Variants in B3GALNT2 observed in about 807,000 individuals in gnomAD.
B3GALNT2 encodes the protein beta-1,3-N-acetylgalactosaminyltransferase 2.
B3GALNT2 carries 53 observed loss-of-function variants against 61.1 expected under a neutral mutation model. The ratio of observed to expected loss-of-function variants is 0.87; its 90% CI spans 0.70 to 1.09. B3GALNT2 has a LOEUF of 1.09. B3GALNT2 is among the 50% of genes least tolerant of loss of function. The pLI is 0.00. For missense variants in B3GALNT2, 544 were observed against 623.0 expected, an observed-to-expected ratio of 0.87 and a Z score of 1.35; for synonymous variants, 223 against 237.4, an observed-to-expected ratio of 0.94 and a Z score of 0.56.
chr1:235,496,349 G>C, intron 1 of B3GALNT2: 1 of 984,596 alleles, frequency 1.0e-6, no homozygotes, highest in Non-Finnish European at 1.3e-6. Context: ...TGGAATAGAG[G>C]TATTTATTAT....
rs1055734186 is a variant in B3GALNT2, at chr1:235,450,244, C to T, written c.1465G>A (p.Glu489Lys). ...WELTELWKLK[E>K]RCGDPCRCQA... is the part of the protein sequence containing the mutation. ...CATCGACAAGGATCACCGCACCGTT[C>T]CTTCAGTTTCCACAGTTCCGTCAGT... The change falls in exon 12 of 12, where the codon GAA becomes AAA. Residue 489 changes from glutamate (E) to lysine (K), a missense_variant. Transcript: ENST00000366600. 1.4e-5 allele frequency: 23 copies of T among 1,614,020 alleles called. No homozygotes were observed. Among genetic ancestry groups the T allele is most frequent in the East Asian group, 2.2e-5 (1 of 44,888 alleles).
At chr1:235,463,793 T>A (rs1262824893) in intron 7 of B3GALNT2, 1 of 152,046 alleles carries the variant, frequency 6.6e-6, no homozygotes, top group African/African-American at 2.4e-5. Context: ...GGTCTCGAAC[T>A]CCTGACCTCG....
At chr1:235,488,343 C>T (rs1234532376) in intron 3 of B3GALNT2, among the ~76,000 whole-genome samples, 1 of 152,026 alleles carries the variant, frequency 6.6e-6, no homozygotes, top group East Asian at 1.9e-4. Context: ...CCTAAAGTTC[C>T]AATTCTGTAA....
intron 2 of B3GALNT2, among the ~76,000 whole-genome samples, chr1:235,491,206 G>A (rs1685052108): frequency 6.6e-6 from 1 of 151,854 alleles, no homozygotes; most frequent in African/African-American, 2.4e-5. Flanking sequence ...TGTCACTTTA[G>A]TCCTCACCTC....
intron 5 of B3GALNT2, among the ~76,000 whole-genome samples, chr1:235,478,520 G>GA (rs1430907767): frequency 6.6e-6 from 1 of 152,184 alleles, no homozygotes; most frequent in Non-Finnish European, 1.5e-5. Flanking sequence ...CTCCAGGAAG[G>GA]AATCATCTGA....
At chr1:235,470,434 C>A (rs906311391) in intron 6 of B3GALNT2, among the ~76,000 whole-genome samples, 1 of 151,674 alleles carries the variant, frequency 6.6e-6, no homozygotes, top group African/African-American at 2.4e-5. Context: ...CTACAAAAAA[C>A]ACAAAAAGTT....
intron 3 of B3GALNT2, among the ~76,000 whole-genome samples, chr1:235,484,886 T>C (rs1328794367): frequency 6.6e-6 from 1 of 152,234 alleles, no homozygotes; most frequent in East Asian, 1.9e-4. Context: ...CTGACTGTAG[T>C]CATAAATAAT....
At chr1:235,499,843 G>T (rs1235960341) in intron 1 of B3GALNT2, among the ~76,000 whole-genome samples, 3 of 152,210 alleles carry the variant, frequency 2.0e-5, no homozygotes, top group Non-Finnish European at 2.9e-5. Flanking sequence ...TATGGGATAG[G>T]ACCCTCTCTG....
At chr1:235,502,882 C>T (rs965861407) in intron 1 of B3GALNT2, among the ~76,000 whole-genome samples, 9 of 152,238 alleles carry the variant, frequency 5.9e-5, no homozygotes, top group African/African-American at 2.2e-4. Context: ...TCTTAGTTCA[C>T]TTCACAAAAA....
chr1:235,461,874 G>A (rs536929675), intron 7 of B3GALNT2, among the ~76,000 whole-genome samples: 1 of 152,272 alleles, frequency 6.6e-6, no homozygotes, highest in African/African-American at 2.4e-5. Context: ...AACAATATGT[G>A]TTCACCAGAA....
chr1:235,494,185 G>A (rs1398227609), intron 2 of B3GALNT2, among the ~76,000 whole-genome samples: 1 of 152,180 alleles, frequency 6.6e-6, no homozygotes, highest in Non-Finnish European at 1.5e-5. Context: ...ATGCACATGT[G>A]TCTAAGGAGA....
downstream of B3GALNT2, chr1:235,442,732 T>C: frequency 1.1e-6 from 1 of 901,002 alleles, no homozygotes; most frequent in African/African-American, 1.7e-5. Flanking sequence ...TAAACATTGA[T>C]TAGACCTGCC....
At chr1:235,494,907 C>A in intron 1 of B3GALNT2, 79 bp from the exon 2 acceptor site, 1 of 1,279,290 alleles carries the variant, frequency 7.8e-7, no homozygotes, top group East Asian at 2.7e-5. Context: ...AAGTTTATTA[C>A]AAAATAAGCT....
intron 5 of B3GALNT2, among the ~76,000 whole-genome samples, chr1:235,473,601 T>C (rs1684106751): frequency 6.6e-6 from 1 of 152,236 alleles, no homozygotes; most frequent in African/African-American, 2.4e-5. Flanking sequence ...ACTCAAAGCA[T>C]GTCTGGAGTT....
At position 235,468,625 on chromosome 1, in the gene B3GALNT2, G is replaced by A. The variant is rs563435748; in HGVS notation, c.762+2225C>T. ...CCGCCACCACAGCCAGCTAATTTTT[G>A]TATTTTTAGTAGAGACGGGATTTCA... On this transcript the variant is annotated intron_variant, in intron 6 of 11. Transcript: ENST00000366600. Among the ~76,000 whole-genome samples, 16 of 151,754 alleles carry A rather than the reference G, an allele frequency of 1.1e-4. No individual in the cohort carries two copies. In the East Asian group the frequency reaches 3.1e-3, roughly 29 times the overall value.
Position 235,483,464 on chromosome 1 carries a change from T to C in B3GALNT2, c.555+858A>G, listed in dbSNP as rs1307788874. On this transcript the variant is annotated intron_variant, in intron 4 of 11. Coordinates refer to ENST00000366600, the MANE Select transcript of B3GALNT2 (RefSeq NM_152490.5). ...CAAAGAAAAAGCACACCAGGCCTGG[T>C]GCGGTGCCTCACGCCTGTAATCCCA... is the stretch of plus-strand genomic sequence containing the variant. 3.3e-5 allele frequency among the ~76,000 whole-genome samples: 5 copies of C among 152,124 alleles called. 1 individual carries two copies. Among genetic ancestry groups the C allele is most frequent in the Admixed American group, 1.3e-4 (2 of 15,270 alleles).
At chr1:235,469,884 A>G (rs1400820272) in intron 6 of B3GALNT2, among the ~76,000 whole-genome samples, 3 of 151,400 alleles carry the variant, frequency 2.0e-5, no homozygotes, top group African/African-American at 7.3e-5. Flanking sequence ...ATTTTTATCT[A>G]TAGTAGTTTT....
chr1:235,455,524 C>T (rs994592441), intron 9 of B3GALNT2, 35 bp downstream of exon 9: 5 of 1,599,166 alleles, frequency 3.1e-6, no homozygotes, highest in Non-Finnish European at 1.7e-6. Context: ...TGATCAGGTA[C>T]ACGAATGCCA....
At chr1:235,503,763 C>T (rs1685692589) in intron 1 of B3GALNT2, among the ~76,000 whole-genome samples, 1 of 152,140 alleles carries the variant, frequency 6.6e-6, no homozygotes, top group African/African-American at 2.4e-5. Flanking sequence ...AAAACAACTT[C>T]AGAGCCAGAG....
Sources: allele counts gnomAD v4.1 joint callset (sites outside exome capture counted in the v4.1 genomes callset), GRCh38; gene constraint gnomAD v4.1.1; transcripts MANE v1.5; gene names NCBI Gene and HGNC (gene_info 2026-07-23, HGNC 2026-07-21).